The following EPS15 variants were observed in gnomAD, a reference collection of about 807,000 sequenced individuals.
The protein encoded by EPS15 is epidermal growth factor receptor pathway substrate 15.
Under a neutral mutation model 113.8 loss-of-function variants are expected in EPS15, and 72 were observed. The observed-to-expected ratio is 0.63, with a 90% CI of 0.52 to 0.77. The LOEUF is 0.77. Ranked by LOEUF, EPS15 falls within the 30% of genes least tolerant of loss-of-function variation. The pLI, the probability that EPS15 is intolerant of heterozygous loss-of-function variation, is 0.00. For missense variants in EPS15, 1,048 were observed against 1,045.8 expected (o/e 1.00, Z -0.03); for synonymous variants, 344 against 363.4 (o/e 0.95, Z 0.61).
At position 51,465,260 on chromosome 1, in the gene EPS15, C is replaced by A; in HGVS notation, c.375+1G>T. 6.3e-7 allele frequency: 1 copy of A among 1,599,264 alleles called. No homozygotes were observed. The highest frequency in any genetic ancestry group is 8.6e-7 in the Non-Finnish European group (1 of 1,168,838). On this transcript the variant is annotated splice_donor_variant, in intron 6 of 24. Coordinates refer to ENST00000371733, the MANE Select transcript of EPS15 (RefSeq NM_001981.3). LOFTEE classifies it high-confidence loss of function. ...AGAGAATAGTTACAAAGTTTACTTA[C>A]TTTTACAGCCCATGGGAGCTCAGCT...
At chr1:51,515,684 T>G (rs961605530) in intron 1 of EPS15, among the ~76,000 whole-genome samples, 1 of 152,348 alleles carries the variant, frequency 6.6e-6, no homozygotes, top group East Asian at 1.9e-4. Flanking sequence ...CCATGGCTTA[T>G]ATCCTCAAGA....
chr1:51,364,500 A>ATTTT (rs11386357), intron 22 of EPS15, among the ~76,000 whole-genome samples: 2,258 of 146,888 alleles, frequency 0.015, 14 homozygotes, highest in Middle Eastern at 0.031. Context: ...TTGAAAGTCA[A>ATTTT]TTTTTTTTTT....
intron 8 of EPS15, among the ~76,000 whole-genome samples, chr1:51,451,022 C>T (rs574264487): frequency 6.6e-6 from 1 of 151,578 alleles, no homozygotes; most frequent in Admixed American, 6.6e-5. Flanking sequence ...TTGTGGATAG[C>T]CTTGAATAAT....
chr1:51,366,726 A>G (rs1201966505), intron 21 of EPS15, among the ~76,000 whole-genome samples: 3 of 152,218 alleles, frequency 2.0e-5, no homozygotes, highest in Non-Finnish European at 2.9e-5. Context: ...GCCACATTTC[A>G]CACTCATCCT....
Position 51,356,802 on chromosome 1 carries a change from A to G in EPS15, c.2589T>C (p.Ser863=). Residue 863 remains serine, a synonymous_variant, in exon 25 of 25, where the codon AGT becomes AGC. Transcript: ENST00000371733. ...EDMIEWAKRE[S]EREEEQRLAR... ...CAAGCCTCTGCTCTTCCTCTCTCTC[A>G]CTTTCCCTCTTGGCCCATTCGATCA... 1 of 1,613,716 alleles carries G rather than the reference A, an allele frequency of 6.2e-7. No individual in the cohort carries two copies. The highest frequency in any genetic ancestry group is 8.5e-7 in the Non-Finnish European group (1 of 1,179,774).
intron 1 of EPS15, among the ~76,000 whole-genome samples, chr1:51,514,324 T>G (rs1003972711): frequency 5.3e-5 from 8 of 152,298 alleles, no homozygotes; most frequent in Non-Finnish European, 1.0e-4. Context: ...TAACCAGATC[T>G]CTCTCAGGCC....
chr1:51,507,136 C>G (rs150354274), intron 1 of EPS15, among the ~76,000 whole-genome samples: 1 of 152,262 alleles, frequency 6.6e-6, no homozygotes, highest in East Asian at 1.9e-4. Context: ...TTTCAAAACT[C>G]AAATGTATAC....
At chr1:51,436,685 A>G (rs949525356) in intron 12 of EPS15, among the ~76,000 whole-genome samples, 1 of 152,198 alleles carries the variant, frequency 6.6e-6, no homozygotes, top group Non-Finnish European at 1.5e-5. Flanking sequence ...GTCTAAGATG[A>G]GATTTGAAGA....
rs762455165 is a variant in EPS15 at position 51,465,378 on chromosome 1, C to A, written c.310-52G>T. 6.9e-6 allele frequency: 9 copies of A among 1,302,516 alleles called. No individual in the cohort carries two copies. The Admixed American group carries it at 1.0e-4, about 15-fold the overall frequency. 80.7% of individuals were successfully genotyped at this position (1,302,516 alleles called of 1,614,324 possible). A position where few individuals can be genotyped will look rare whatever the true frequency, so the allele number is the denominator to read the frequency against. On this transcript the variant is annotated intron_variant, in intron 5 of 24. Transcript: ENST00000371733. Reference sequence around the variant, plus strand: ...GAGTTGAAATTCTCACATCAAGAAGCAATGAAGAAAAAATGGTTTTTGGAT... The same window carrying A: ...GAGTTGAAATTCTCACATCAAGAAGAAATGAAGAAAAAATGGTTTTTGGAT...
chr1:51,392,038 A>T (rs72694170), intron 21 of EPS15, among the ~76,000 whole-genome samples: 2 of 152,198 alleles, frequency 1.3e-5, no homozygotes, highest in African/African-American at 4.8e-5. Flanking sequence ...AGTTCCCCCA[A>T]GGGAGTACAG....
At chr1:51,417,093 T>G (rs533164655) in intron 13 of EPS15, among the ~76,000 whole-genome samples, 1 of 152,126 alleles carries the variant, frequency 6.6e-6, no homozygotes, top group Non-Finnish European at 1.5e-5. Flanking sequence ...CTTCCCAGTA[T>G]GTTCTAAAGA....
At chr1:51,435,092 T>C (rs1652035695) in intron 12 of EPS15, among the ~76,000 whole-genome samples, 1 of 152,018 alleles carries the variant, frequency 6.6e-6, no homozygotes, top group South Asian at 2.1e-4. Flanking sequence ...AAACTAAGTC[T>C]GCAGAATATT....
At chr1:51,444,785 C>T in intron 11 of EPS15, 104 bp downstream of exon 11, 1 of 1,154,238 alleles carries the variant, frequency 8.7e-7, no homozygotes, top group Non-Finnish European at 1.3e-6. Context: ...TGCTCTTAGC[C>T]AGATACATTT....
chr1:51,354,743 G>A lies in EPS15; in HGVS notation c.*1957C>T, dbSNP rs76782211. 0.021 allele frequency: 3,929 copies of A among 187,820 alleles called. 41 individuals carry two copies. The highest frequency in any genetic ancestry group is 0.023 in the Middle Eastern group (12 of 516). 11.6% of individuals were successfully genotyped at this position (187,820 alleles called of 1,614,324 possible). On this transcript the variant is annotated 3_prime_UTR_variant, in exon 25 of 25. Transcript: ENST00000371733. ...TACTTTAATATTATGTTGGTCCACGGGGTATACACATTTTAACAAAAGATA... is the reference window on the plus strand; with the variant it reads ...TACTTTAATATTATGTTGGTCCACGAGGTATACACATTTTAACAAAAGATA...
chr1:51,514,896 C>A (rs574324654), intron 1 of EPS15, among the ~76,000 whole-genome samples: 3 of 152,288 alleles, frequency 2.0e-5, no homozygotes, highest in African/African-American at 7.2e-5. Flanking sequence ...CATTAATGTG[C>A]CTTTCCCATT....
chr1:51,363,959 C>G lies in EPS15; in HGVS notation c.2266G>C (p.Val756Leu). 1.2e-6 allele frequency: 2 copies of G among 1,613,850 alleles called. No homozygotes were observed. The highest frequency in any genetic ancestry group is 1.7e-6 in the Non-Finnish European group (2 of 1,179,858). The change falls in exon 23 of 25, where the codon GTA (valine) becomes CTA (leucine). Residue 756 changes from valine (V) to leucine (L), a missense_variant. Coordinates refer to ENST00000371733, the MANE Select transcript of EPS15 (RefSeq NM_001981.3). ...CTTTTGACCGATGTTTCCTCAAATACATTTTTTGTAATCACTACGTTGCTG... is the reference window on the plus strand; with the variant it reads ...CTTTTGACCGATGTTTCCTCAAATAGATTTTTTGTAATCACTACGTTGCTG... The part of the protein sequence containing the change: ...SVSNVVITKN[V>L]FEETSVKSED...
intron 10 of EPS15, among the ~76,000 whole-genome samples, chr1:51,445,581 C>T (rs1652972835): frequency 6.6e-6 from 1 of 151,858 alleles, no homozygotes; most frequent in South Asian, 2.1e-4. Context: ...ATCTGGAAAG[C>T]TTTACACAAT....
chr1:51,504,760 G>A (rs1285796421), intron 1 of EPS15, among the ~76,000 whole-genome samples: 2 of 152,138 alleles, frequency 1.3e-5, no homozygotes, highest in Non-Finnish European at 2.9e-5. Context: ...ACAATTACTG[G>A]AGAGGATGTG....
intron 1 of EPS15, among the ~76,000 whole-genome samples, chr1:51,515,832 T>A (rs1644705822): frequency 6.6e-6 from 1 of 152,214 alleles, no homozygotes; most frequent in Admixed American, 6.5e-5. Context: ...TTGGTTCAAA[T>A]CGTAGATTCA....
Sources: gnomAD v4.1 joint callset for allele counts (sites outside exome capture counted in the v4.1 genomes callset) on GRCh38, gnomAD v4.1.1 for gene constraint, MANE v1.5 for transcripts, NCBI Gene and HGNC (gene_info 2026-07-23, HGNC 2026-07-21) for gene names.